BORCS5: variants seen among roughly 807,000 people sequenced by gnomAD.
BORCS5 encodes the protein BLOC-1-related complex subunit 5.
BORCS5 carries 17 observed loss-of-function variants against 22.1 expected under a neutral mutation model. That is an observed-to-expected ratio of 0.77 (90% CI 0.53 to 1.15). BORCS5 has a LOEUF of 1.15. Among genes scored for constraint, BORCS5 ranks in the 50% most tolerant of loss-of-function variants. The probability of loss-of-function intolerance (pLI) is 0.00; values close to 1 mark genes in which losing one functional copy is unlikely to be tolerated. For missense variants in BORCS5, 247 were observed against 253.2 expected (o/e 0.98, Z 0.17); for synonymous variants, 117 against 99.8 (o/e 1.17, Z -1.03).
chr12:12,437,205 T>C (rs1323770584), intron 3 of BORCS5, among the ~76,000 whole-genome samples: 3 of 152,180 alleles, frequency 2.0e-5, no homozygotes, highest in African/African-American at 7.2e-5. Flanking sequence ...GCTGTTCGCA[T>C]GATAGTGAAT....
chr12:12,404,472 C>A (rs565259089), intron 2 of BORCS5, among the ~76,000 whole-genome samples: 20 of 152,288 alleles, frequency 1.3e-4, no homozygotes, highest in African/African-American at 4.8e-4. Flanking sequence ...CTGCTGAGCC[C>A]TTTTGTAAGG....
intron 3 of BORCS5, among the ~76,000 whole-genome samples, chr12:12,438,371 A>AAAAAAAAAAAAAAACAAAC (rs1565915549): frequency 8.5e-6 from 1 of 117,054 alleles, no homozygotes; most frequent in African/African-American, 4.5e-5. Context: ...AAAAAAAAAA[A>AAAAAAAAAAAAAAACAAAC]AAAAAAAAAC....
At chr12:12,454,440 A>T (rs1428273940) in intron 3 of BORCS5, among the ~76,000 whole-genome samples, 3 of 152,198 alleles carry the variant, frequency 2.0e-5, no homozygotes, top group Admixed American at 2.0e-4. Flanking sequence ...GATGTTGAAC[A>T]TCTTTTCCTG....
chr12:12,457,436 G>A (rs1428463038), intron 3 of BORCS5, among the ~76,000 whole-genome samples: 7 of 152,234 alleles, frequency 4.6e-5, no homozygotes, highest in African/African-American at 7.2e-5. Flanking sequence ...TTGGGAGGCC[G>A]AGGCGGGCGG....
At chr12:12,402,146 T>C (rs982406112) in intron 2 of BORCS5, among the ~76,000 whole-genome samples, 1 of 152,014 alleles carries the variant, frequency 6.6e-6, no homozygotes, top group South Asian at 2.1e-4. Flanking sequence ...CATTCTCCCA[T>C]TGGAGGACAT....
At chr12:12,392,152 T>C (rs929379965) in intron 2 of BORCS5, among the ~76,000 whole-genome samples, 4 of 151,782 alleles carry the variant, frequency 2.6e-5, no homozygotes, top group Non-Finnish European at 5.9e-5. Flanking sequence ...AGCAATTATT[T>C]GTTGAGTCCC....
Position 12,466,449 on chromosome 12 carries a change from T to C in BORCS5, c.*673T>C, listed in dbSNP as rs1294641386. 6.6e-6 allele frequency: 1 copy of C among 152,252 alleles called. No homozygotes were observed. Among genetic ancestry groups the C allele is most frequent in the African/African-American group, 2.4e-5 (1 of 41,446 alleles). The allele number at this position is 152,252 out of a possible 1,614,324, so 9.4% of individuals were successfully genotyped here. A position where few individuals can be genotyped will look rare whatever the true frequency, so the allele number is the denominator to read the frequency against. On this transcript the variant is annotated 3_prime_UTR_variant, in exon 4 of 4. Transcript: ENST00000314565. ...ACCGGTTTCCTTGATGCAGACATAG[T>C]TTAGCTTTCTTTGACTGCAGAGATG...
intron 1 of BORCS5, among the ~76,000 whole-genome samples, chr12:12,359,340 T>G (rs1863222019): frequency 6.7e-6 from 1 of 149,704 alleles, no homozygotes; most frequent in Non-Finnish European, 1.5e-5. Context: ...AAATCCAGCC[T>G]GGGCGATGTA....
chr12:12,362,640 T>TA (rs1863314508), intron 2 of BORCS5, among the ~76,000 whole-genome samples: 1 of 136,484 alleles, frequency 7.3e-6, no homozygotes, highest in African/African-American at 2.7e-5. Flanking sequence ...ACTCATCTTT[T>TA]TTTTTTTTTT....
At chr12:12,425,913 G>T (rs1165220833) in intron 2 of BORCS5, among the ~76,000 whole-genome samples, 1 of 152,210 alleles carries the variant, frequency 6.6e-6, no homozygotes, top group Admixed American at 6.5e-5. Context: ...GGTGACTGGG[G>T]ACTTTGAGAC....
chr12:12,364,385 T>TAA (rs1230088607), intron 2 of BORCS5, among the ~76,000 whole-genome samples: 1 of 8,722 alleles, frequency 1.1e-4, no homozygotes, highest in African/African-American at 1.6e-4. Context: ...CAAAGAAAAA[T>TAA]ATAAGGAAGA....
intron 2 of BORCS5, among the ~76,000 whole-genome samples, chr12:12,363,271 T>C (rs1863332187): frequency 6.7e-6 from 1 of 150,098 alleles, no homozygotes; most frequent in Admixed American, 6.7e-5. Flanking sequence ...CACTTCAGCC[T>C]AGGTGACAGA....
chr12:12,426,982 G>A (rs1165464967), intron 2 of BORCS5, among the ~76,000 whole-genome samples: 1 of 152,058 alleles, frequency 6.6e-6, no homozygotes, highest in South Asian at 2.1e-4. Context: ...TTTAACCAGA[G>A]CAATGATGAC....
chr12:12,414,943 A>G (rs1293661072), intron 2 of BORCS5, among the ~76,000 whole-genome samples: 9 of 134,174 alleles, frequency 6.7e-5, no homozygotes, highest in Non-Finnish European at 1.5e-4. Context: ...CCCACATCTC[A>G]GACGATGGGC....
intron 3 of BORCS5, among the ~76,000 whole-genome samples, chr12:12,456,558 A>G (rs1943001727): frequency 6.6e-6 from 1 of 152,238 alleles, no homozygotes; most frequent in Admixed American, 6.5e-5. Flanking sequence ...CTTGTTGGAG[A>G]GGATATCATT....
At chr12:12,420,932 G>A (rs949854132) in intron 2 of BORCS5, among the ~76,000 whole-genome samples, 18 of 152,202 alleles carry the variant, frequency 1.2e-4, no homozygotes, top group African/African-American at 4.3e-4. Context: ...TTGCTTATCA[G>A]CTTAAGGAGA....
In BORCS5 at chr12:12,435,716, A is replaced by G. The variant is rs373259599; in HGVS notation, c.291A>G (p.Gln97=). 3 of 1,614,018 alleles carry G rather than the reference A, an allele frequency of 1.9e-6. No individual in the cohort carries two copies. The highest frequency in any genetic ancestry group is 2.5e-6 in the Non-Finnish European group (3 of 1,179,998). Residue 97 remains glutamine, a synonymous_variant, in exon 3 of 4, where the codon CAA becomes CAG. Transcript: ENST00000314565. ...TGTTGCAGCTCTGCCTCCGATATCA[A>G]GATCACCTGCATCAGTGTGCAGAGG... ...QQVLQLCLRY[Q]DHLHQCAEAV...
At chr12:12,425,318 G>A (rs1386956300) in intron 2 of BORCS5, among the ~76,000 whole-genome samples, 2 of 152,196 alleles carry the variant, frequency 1.3e-5, no homozygotes. Context: ...ATCAGACAGA[G>A]TGCACCAGTG....
chr12:12,412,768 T>C (rs1941769162), intron 2 of BORCS5, among the ~76,000 whole-genome samples: 1 of 152,130 alleles, frequency 6.6e-6, no homozygotes, highest in South Asian at 2.1e-4. Context: ...TTTATATGGC[T>C]TTTATTATGT....
Sources: allele counts gnomAD v4.1 joint callset (sites outside exome capture counted in the v4.1 genomes callset), GRCh38; gene constraint gnomAD v4.1.1; transcripts MANE v1.5; gene names NCBI Gene and HGNC (gene_info 2026-07-23, HGNC 2026-07-21).